The following DNAH11 variants were observed in gnomAD, a reference collection of about 807,000 sequenced individuals.
The protein encoded by DNAH11 is axonemal beta dynein heavy chain 11.
In DNAH11, 442 loss-of-function variants were observed where a neutral mutation model predicts 526.0. The ratio of observed to expected loss-of-function variants is 0.84; its 90% CI spans 0.78 to 0.91. The LOEUF is 0.91. Among genes scored for constraint, DNAH11 ranks in the 40% least tolerant of loss-of-function variants. The pLI, the probability that DNAH11 is intolerant of heterozygous loss-of-function variation, is 0.00. For missense variants in DNAH11, 6,989 were observed against 5,448.7 expected (o/e 1.28, Z -8.90); for synonymous variants, 2,461 against 1,935.9 (o/e 1.27, Z -7.12).
At chr7:21,891,481 C>T (rs1784323856) in intron 76 of DNAH11, among the ~76,000 whole-genome samples, 1 of 152,146 alleles carries the variant, frequency 6.6e-6, no homozygotes, top group African/African-American at 2.4e-5. Context: ...TATACTGTTA[C>T]TTAGAAAATT....
chr7:21,753,120 C>T (rs1770721868), intron 54 of DNAH11, among the ~76,000 whole-genome samples: 1 of 152,188 alleles, frequency 6.6e-6, no homozygotes, highest in Non-Finnish European at 1.5e-5. Flanking sequence ...CTTAGAGGCC[C>T]TTTAGAAGAG....
At chr7:21,714,850 C>T (rs56047259) in intron 42 of DNAH11, among the ~76,000 whole-genome samples, 11,599 of 152,128 alleles carry the variant, frequency 0.076, 551 homozygotes, top group East Asian at 0.18. Context: ...CATTAAGACA[C>T]GTCATCCCTA....
At chr7:21,674,616 G>C (rs12700295) in intron 30 of DNAH11, among the ~76,000 whole-genome samples, 58,665 of 151,934 alleles carry the variant, frequency 0.39, 12,100 homozygotes, top group Non-Finnish European at 0.46. Flanking sequence ...GCCTCGGCCT[G>C]CCACGATCTT....
chr7:21,884,584 T>C (rs188782741), intron 76 of DNAH11, among the ~76,000 whole-genome samples, 174 bp downstream of exon 76: 120 of 152,294 alleles, frequency 7.9e-4, no homozygotes, highest in African/African-American at 2.8e-3. Context: ...ACCTACAGAA[T>C]CAGAATCTGC....
chr7:21,649,230 A>T (rs1787511914), intron 28 of DNAH11, among the ~76,000 whole-genome samples: 1 of 152,224 alleles, frequency 6.6e-6, no homozygotes, highest in Admixed American at 6.5e-5. Context: ...AAAACTGTTT[A>T]ACAGCATTTT....
At chr7:21,661,256 A>G (rs1445344478) in intron 30 of DNAH11, among the ~76,000 whole-genome samples, 1 of 152,020 alleles carries the variant, frequency 6.6e-6, no homozygotes, top group Non-Finnish European at 1.5e-5. Flanking sequence ...ATATTTACCA[A>G]TGACTTTGCT....
intron 66 of DNAH11, among the ~76,000 whole-genome samples, chr7:21,844,394 C>T (rs1227061670): frequency 6.6e-6 from 1 of 152,202 alleles, no homozygotes; most frequent in South Asian, 2.1e-4. Context: ...CACTGCACTC[C>T]AGCCTGGAGG....
intron 8 of DNAH11, among the ~76,000 whole-genome samples, chr7:21,578,371 C>G (rs1784179945): frequency 6.6e-6 from 1 of 152,220 alleles, no homozygotes; most frequent in South Asian, 2.1e-4. Context: ...AAATAATCTC[C>G]TTTGACTCTA....
At chr7:21,845,839 G>A (rs983697976) in intron 66 of DNAH11, among the ~76,000 whole-genome samples, 3 of 152,130 alleles carry the variant, frequency 2.0e-5, no homozygotes, top group Non-Finnish European at 4.4e-5. Context: ...ACTCAGAATG[G>A]CTTAACAATA....
rs139706041 is a variant in DNAH11, at chr7:21,897,512, C to G, written c.13050-1824C>G. Among the ~76,000 whole-genome samples the G allele has an allele frequency of 8.6e-3, 1,308 of 152,188 alleles. 17 individuals carry two copies. Among genetic ancestry groups the G allele is most frequent in the African/African-American group, 0.03 (1,229 of 41,522 alleles). ...GGGATTCTTCATTGTTCATATTATT[C>G]TTTATATTTTAGTATTGATTACTCT... On this transcript the variant is annotated intron_variant, in intron 79 of 81. Transcript: ENST00000409508.
chr7:21,727,939 G>A (rs1340050611), intron 45 of DNAH11, among the ~76,000 whole-genome samples: 2 of 152,168 alleles, frequency 1.3e-5, no homozygotes, highest in Non-Finnish European at 2.9e-5. Context: ...ACCTCACATA[G>A]CCTTTTCTCT....
chr7:21,674,886 C>T (rs1477386123), intron 30 of DNAH11, among the ~76,000 whole-genome samples: 1 of 152,126 alleles, frequency 6.6e-6, no homozygotes, highest in East Asian at 1.9e-4. Context: ...AACCAACATA[C>T]TTCACTAGTT....
At position 21,880,765 on chromosome 7, in the gene DNAH11, T is replaced by A; in HGVS notation, c.12259T>A (p.Phe4087Ile). 1 of 1,614,024 alleles carries A rather than the reference T, an allele frequency of 6.2e-7. No homozygotes were observed. The highest frequency in any genetic ancestry group is 8.5e-7 in the Non-Finnish European group (1 of 1,179,894). Residue 4087 changes from phenylalanine (F) to isoleucine (I), a missense_variant, in exon 75 of 82, where the codon TTC becomes ATC. Coordinates refer to ENST00000409508, the MANE Select transcript of DNAH11 (RefSeq NM_001277115.2). ...AAGCATCCTTTTTTCTCTCTGCTAC[T>A]TCCACGCCTGTGTTGCTGGGAGACT... ...FKSILFSLCY[F>I]HACVAGRLRF...
At chr7:21,744,839 A>G (rs1001059027) in intron 50 of DNAH11, 31 bp from the exon 51 acceptor site, 47 of 1,582,736 alleles carry the variant, frequency 3.0e-5, no homozygotes, top group Non-Finnish European at 3.7e-5. Flanking sequence ...GATGGTTGAC[A>G]TGCCATATTT....
intron 23 of DNAH11, 37 bp downstream of exon 23, chr7:21,617,814 G>T: frequency 6.6e-7 from 1 of 1,520,140 alleles, no homozygotes; most frequent in South Asian, 1.4e-5. Context: ...ACCTTTTTAT[G>T]ACTGTGAAGT....
Position 21,868,894 on chromosome 7 carries a change from G to C in DNAH11, c.11870G>C (p.Gly3957Ala), listed in dbSNP as rs1178242443. Residue 3957 changes from glycine (G) to alanine (A), a missense_variant, in exon 73 of 82, where the codon GGA (glycine) becomes GCA (alanine). Gly to Ala is a moderately conservative substitution (Grantham distance 60). Coordinates refer to ENST00000409508, the MANE Select transcript of DNAH11 (RefSeq NM_001277115.2). ...GKRLGFTIDS[G>A]KFHNVSLGQG... ...AGACTTGGCTTTACAATTGACTCTG[G>C]AAAATTCCACAATGTGTCTTTAGGA... 3.7e-6 allele frequency: 6 copies of C among 1,613,992 alleles called. No individual in the cohort carries two copies. The highest frequency in any genetic ancestry group is 4.2e-6 in the Non-Finnish European group (5 of 1,179,890).
intron 17 of DNAH11, 69 bp from the exon 18 acceptor site, chr7:21,601,327 A>T: frequency 6.8e-7 from 1 of 1,477,058 alleles, no homozygotes. Context: ...ATTCAATCAG[A>T]AGTCTTATAC....
intron 81 of DNAH11, 126 bp downstream of exon 81, chr7:21,900,246 C>T: frequency 9.4e-7 from 1 of 1,064,232 alleles, no homozygotes; most frequent in Non-Finnish European, 1.3e-6. Flanking sequence ...GTCATTATCT[C>T]ATTTCTTCCT....
chr7:21,560,807 C>G (rs1362368101), intron 4 of DNAH11, among the ~76,000 whole-genome samples: 2 of 152,068 alleles, frequency 1.3e-5, no homozygotes, highest in African/African-American at 4.8e-5. Flanking sequence ...ATCCTTCAAT[C>G]CAATCAAGTT....
Sources: gnomAD v4.1 joint callset for allele counts (sites outside exome capture counted in the v4.1 genomes callset) on GRCh38, gnomAD v4.1.1 for gene constraint, MANE v1.5 for transcripts, NCBI Gene and HGNC (gene_info 2026-07-23, HGNC 2026-07-21) for gene names.